The following PKLR variants were observed in gnomAD, a reference collection of about 807,000 sequenced individuals.
PKLR encodes the protein pyruvate kinase PKLR.
PKLR carries 38 observed loss-of-function variants against 53.6 expected under a neutral mutation model. The observed-to-expected ratio is 0.71, with a 90% CI of 0.55 to 0.93. PKLR has a LOEUF of 0.93. Among genes scored for constraint, PKLR ranks in the 40% least tolerant of loss-of-function variants. The probability of loss-of-function intolerance (pLI) is 0.00; values close to 1 mark genes in which losing one functional copy is unlikely to be tolerated. For synonymous variants in PKLR, 328 were observed against 316.2 expected (o/e 1.04, Z -0.39); for missense variants, 702 against 787.3 (o/e 0.89, Z 1.30).
chr1:155,293,828 A>C lies in PKLR; in HGVS notation c.1117-238T>G, dbSNP rs570016466. Among the ~76,000 whole-genome samples, 3 of 152,262 alleles carry C rather than the reference A, an allele frequency of 2.0e-5. No individual in the cohort carries two copies. The South Asian group carries it at 6.2e-4, about 32-fold the overall frequency. On this transcript the variant is annotated intron_variant, in intron 7 of 10. Transcript: ENST00000342741. The surrounding 1 kb of genome is among the most constrained non-coding windows in gnomAD (Gnocchi z 4.2). The stretch of plus-strand genomic sequence containing the variant: ...TGAGGATCAAACACTTTTCATCCAA[A>C]TGTGCTATAAACCTACAGTGTGGGC...
At chr1:155,302,699 G>A (rs1457242736), upstream of PKLR, among the ~76,000 whole-genome samples, 1 of 151,022 alleles carries the variant, frequency 6.6e-6, no homozygotes, top group Non-Finnish European at 1.5e-5. Context: ...TTTTTAAAGG[G>A]TCTCACTCTG....
chr1:155,302,059 T>A (rs1240132477), upstream of PKLR, among the ~76,000 whole-genome samples: 2 of 151,240 alleles, frequency 1.3e-5, no homozygotes, highest in South Asian at 4.2e-4. Flanking sequence ...TTCTTTTTTC[T>A]TTTTTTTCTT....
At position 155,293,345 on chromosome 1, in the gene PKLR, T is replaced by G; in HGVS notation, c.1270-2A>C. ...TGCGGCCTCTGCCTCCCGGGCAATC[T>G]GCAGGTGCCAGAATGTTAGTCTGGG... On this transcript the variant is annotated splice_acceptor_variant, in intron 8 of 10. Transcript: ENST00000342741. LOFTEE classifies it high-confidence loss of function. This position sits in a 1 kb window ranked among gnomAD's most constrained non-coding sequence, Gnocchi z 4.2. 1 of 1,614,258 alleles carries G rather than the reference T, an allele frequency of 6.2e-7. No homozygotes were observed. Among genetic ancestry groups the G allele is most frequent in the South Asian group, 1.1e-5 (1 of 91,092 alleles).
intron 10 of PKLR, 79 bp from the exon 11 acceptor site, chr1:155,290,757 G>A (rs1674495775): frequency 3.5e-6 from 3 of 865,124 alleles, no homozygotes; most frequent in Non-Finnish European, 5.8e-6. Flanking sequence ...GGGAAGCCAA[G>A]GCAGGAGGAT....
intron 6 of PKLR, 35 bp downstream of exon 6, chr1:155,294,447 G>T (rs749706010): frequency 9.3e-6 from 15 of 1,614,096 alleles, no homozygotes; most frequent in African/African-American, 4.0e-5. Flanking sequence ...GGGGAATAGC[G>T]ACAGGGCCGA....
At position 155,295,424 on chromosome 1, in the gene PKLR, C is replaced by A. The variant is rs183197632; in HGVS notation, c.507+13G>T. 4.8e-5 allele frequency: 78 copies of A among 1,610,864 alleles called. No individual in the cohort carries two copies. The East Asian group carries it at 1.5e-3, about 31-fold the overall frequency. ...CCGGCCCTGGCCCAGCGAGTCCCAG[C>A]CCCACTGCTCACCCCCTGCAGGATC... On this transcript the variant is annotated intron_variant, in intron 4 of 10. Coordinates refer to ENST00000342741, the MANE Select transcript of PKLR (RefSeq NM_000298.6). This position sits in a 1 kb window ranked among gnomAD's most constrained non-coding sequence, Gnocchi z 4.3.
intron 2 of PKLR, among the ~76,000 whole-genome samples, chr1:155,296,509 AT>A (rs1364385749): frequency 2.0e-5 from 3 of 151,448 alleles, no homozygotes; most frequent in Admixed American, 6.6e-5. Context: ...CGCCTGGCTA[AT>A]TTTTTTGTAT....
intron 2 of PKLR, among the ~76,000 whole-genome samples, chr1:155,298,070 G>A (rs1647697619): frequency 6.6e-6 from 1 of 150,784 alleles, no homozygotes; most frequent in African/African-American, 2.4e-5. Flanking sequence ...TTTTTTAGAT[G>A]GAATCTCGCT....
In PKLR at chr1:155,295,048, G is replaced by C; in HGVS notation, c.694+68C>G. 2 of 1,536,576 alleles carry C rather than the reference G, an allele frequency of 1.3e-6. No individual in the cohort carries two copies. Among genetic ancestry groups the C allele is most frequent in the Non-Finnish European group, 1.8e-6 (2 of 1,119,658 alleles). Reference sequence around the variant, plus strand: ...AGGTGTGATCGGTCTGAGGGCTGATGGGGGAGCCAAGGAGAAGGGAATGTG... The same window carrying C: ...AGGTGTGATCGGTCTGAGGGCTGATCGGGGAGCCAAGGAGAAGGGAATGTG... On this transcript the variant is annotated intron_variant, in intron 5 of 10. Transcript: ENST00000342741. The surrounding 1 kb of genome is among the most constrained non-coding windows in gnomAD (Gnocchi z 4.3).
chr1:155,293,121 TCCCAG>T lies in PKLR; in HGVS notation c.1436+51_1436+55del. The T allele has an allele frequency of 6.5e-7, 1 of 1,542,332 alleles. No homozygotes were observed. Reference sequence around the variant, plus strand: ...AGACTAAACCCAAGCCTGGGGCCCGTCCCAGCCCACCCCTGACCCAAAGCTCCATC... The same window carrying T: ...AGACTAAACCCAAGCCTGGGGCCCGTCCCACCCCTGACCCAAAGCTCCATC... On this transcript the variant is annotated intron_variant, in intron 9 of 10. Coordinates refer to ENST00000342741, the MANE Select transcript of PKLR (RefSeq NM_000298.6). This position sits in a 1 kb window ranked among gnomAD's most constrained non-coding sequence, Gnocchi z 4.2.
chr1:155,301,229 A>G, intron 1 of PKLR, 67 bp downstream of exon 1: 1 of 1,572,750 alleles, frequency 6.4e-7, no homozygotes, highest in Non-Finnish European at 8.7e-7. Context: ...TATGCCCTCC[A>G]CCCTGGCTCC....
In PKLR at chr1:155,299,211, C is replaced by A. The variant is rs1174970644; in HGVS notation, c.283+887G>T. Among the ~76,000 whole-genome samples the A allele has an allele frequency of 2.9e-5, 4 of 137,014 alleles. No individual in the cohort carries two copies. The South Asian group carries it at 1.0e-3, about 35-fold the overall frequency. The allele number at this position is 137,014 out of a possible 152,430, so 89.9% of individuals were successfully genotyped here. ...CTTCTTTCTTTCTTTCTCTCTTTCT[C>A]TCTAGGGTCTCGTCTGTCACCTAGG... On this transcript the variant is annotated intron_variant, in intron 2 of 10. Coordinates refer to ENST00000342741, the MANE Select transcript of PKLR (RefSeq NM_000298.6).
chr1:155,300,221 CAGTGCCCAGCTCCTGGGT>C lies in PKLR; in HGVS notation c.142_159del (p.Thr48_Thr53del). The C allele has an allele frequency of 6.2e-7, 1 of 1,613,052 alleles. No homozygotes were observed. Among genetic ancestry groups the C allele is most frequent in the Non-Finnish European group, 8.5e-7 (1 of 1,179,596 alleles). ...GGCAGCTGCTGCTGCTGGAAGAAGG[CAGTGCCCAGCTCCTGGGT>C]CAGTTGGGCCACACTGGCCCGCCGC... On this transcript the variant is annotated inframe_deletion, in exon 2 of 11. Transcript: ENST00000342741.
upstream of PKLR, chr1:155,301,546 C>A: frequency 1.1e-6 from 1 of 897,478 alleles, no homozygotes; most frequent in Non-Finnish European, 1.8e-6. Context: ...CCAGAACGGC[C>A]TGCTCTCTGC....
At chr1:155,298,136 A>G (rs1172263749) in intron 2 of PKLR, among the ~76,000 whole-genome samples, 1 of 151,970 alleles carries the variant, frequency 6.6e-6, no homozygotes, top group African/African-American at 2.4e-5. Context: ...TTCCAGTTCA[A>G]GTGATTCTCC....
intron 10 of PKLR, among the ~76,000 whole-genome samples, 167 bp from the exon 11 acceptor site, chr1:155,290,845 T>C (rs1365961483): frequency 6.6e-6 from 1 of 150,762 alleles, no homozygotes; most frequent in Non-Finnish European, 1.5e-5. Flanking sequence ...AAAAATTAGC[T>C]GGGTGTGGTG....
Position 155,295,403 on chromosome 1 carries a change from C to T in PKLR, c.507+34G>A. 3 of 1,612,318 alleles carry T rather than the reference C, an allele frequency of 1.9e-6. No homozygotes were observed. Among genetic ancestry groups the T allele is most frequent in the Non-Finnish European group, 2.5e-6 (3 of 1,179,274 alleles). ...AACCCTACAGGCGCCGCCTTTCCGGCCCTGGCCCAGCGAGTCCCAGCCCCA... is the reference window on the plus strand; with the variant it reads ...AACCCTACAGGCGCCGCCTTTCCGGTCCTGGCCCAGCGAGTCCCAGCCCCA... On this transcript the variant is annotated intron_variant, in intron 4 of 10. Coordinates refer to ENST00000342741, the MANE Select transcript of PKLR (RefSeq NM_000298.6). The surrounding 1 kb of genome is among the most constrained non-coding windows in gnomAD (Gnocchi z 4.3).
At position 155,295,101 on chromosome 1, in the gene PKLR, G is replaced by A. The variant is rs1280760705; in HGVS notation, c.694+15C>T. On this transcript the variant is annotated intron_variant, in intron 5 of 10. Coordinates refer to ENST00000342741, the MANE Select transcript of PKLR (RefSeq NM_000298.6). The surrounding 1 kb of genome is among the most constrained non-coding windows in gnomAD (Gnocchi z 4.3). ...CAGCGCACGGATGTGGTCAGGGCGGGAGGCGCGTCCGCACCGATTTTCTGG... is the reference window on the plus strand; with the variant it reads ...CAGCGCACGGATGTGGTCAGGGCGGAAGGCGCGTCCGCACCGATTTTCTGG... The A allele has an allele frequency of 1.2e-6, 2 of 1,613,232 alleles. No individual in the cohort carries two copies. Among genetic ancestry groups the A allele is most frequent in the African/African-American group, 2.7e-5 (2 of 74,920 alleles).
chr1:155,291,029 AAT>A, intron 10 of PKLR, among the ~76,000 whole-genome samples: 1 of 146,368 alleles, frequency 6.8e-6, no homozygotes, highest in Non-Finnish European at 1.5e-5. Context: ...TAATAATAAT[AAT>A]AATAATAATA....
Sources: gnomAD v4.1 joint callset for allele counts (sites outside exome capture counted in the v4.1 genomes callset) on GRCh38, gnomAD v4.1.1 for gene constraint, Gnocchi (gnomAD v3.1) non-coding constraint, MANE v1.5 for transcripts, NCBI Gene and HGNC (gene_info 2026-07-23, HGNC 2026-07-21) for gene names.